Variants in BICD1 observed in about 807,000 individuals in gnomAD.
BICD1 encodes the protein protein bicaudal D homolog 1.
BICD1 carries 35 observed loss-of-function variants against 92.5 expected under a neutral mutation model. That is an observed-to-expected ratio of 0.38 (90% confidence interval 0.29 to 0.50). BICD1 has a LOEUF of 0.50. BICD1 is among the 20% of genes least tolerant of loss of function. BICD1 has a pLI of 0.93. For synonymous variants in BICD1, 429 were observed against 465.1 expected, an observed-to-expected ratio of 0.92 and a Z score of 1.00; for missense variants, 950 against 1,189.8, an observed-to-expected ratio of 0.80 and a Z score of 2.97.
In BICD1 at chr12:32,328,610, A is replaced by C; in HGVS notation, c.2100+55A>C. 6.5e-7 allele frequency: 1 copy of C among 1,549,654 alleles called. No homozygotes were observed. The highest frequency in any genetic ancestry group is 8.7e-7 in the Non-Finnish European group (1 of 1,148,940). On this transcript the variant is annotated intron_variant, in intron 5 of 9. Coordinates refer to ENST00000652176, the MANE Select transcript of BICD1 (RefSeq NM_001714.4). This position sits in a 1 kb window ranked among gnomAD's most constrained non-coding sequence, Gnocchi z 4.4. ...CAGTCAAAGCTTTCTTAACTAATTTATTCCCTAATTTTATTGAGTATCGAG... is the reference window on the plus strand; with the variant it reads ...CAGTCAAAGCTTTCTTAACTAATTTCTTCCCTAATTTTATTGAGTATCGAG...
intron 1 of BICD1, chr12:32,109,510 CCAA>C (rs1009513625): frequency 5.3e-5 from 8 of 151,810 alleles, no homozygotes; most frequent in Admixed American, 3.3e-4. Flanking sequence ...AATGCAAATA[CCAA>C]CTAAAATTTT....
chr12:32,142,081 A>T (rs2652019), intron 1 of BICD1, among the ~76,000 whole-genome samples: 44,528 of 151,868 alleles, frequency 0.29, 6,873 homozygotes, highest in African/African-American at 0.38. Flanking sequence ...AGAGGGATTG[A>T]CTGAAACTCT....
intron 9 of BICD1, 27 bp downstream of exon 9, chr12:32,367,772 A>G (rs1939581401): frequency 6.3e-7 from 1 of 1,593,284 alleles, no homozygotes; most frequent in Admixed American, 1.7e-5. Flanking sequence ...TTTCCCTTCC[A>G]CCCAGCTGCA....
chr12:32,350,679 C>T (rs1938828133), intron 8 of BICD1, among the ~76,000 whole-genome samples: 2 of 152,194 alleles, frequency 1.3e-5, no homozygotes, highest in African/African-American at 4.8e-5. Flanking sequence ...CTGTCCTCCA[C>T]ACACCCATCT....
In BICD1 at chr12:32,214,896, G is replaced by A. The variant is rs191575472; in HGVS notation, c.214-1351G>A. Among the ~76,000 whole-genome samples the A allele has an allele frequency of 8.5e-5, 13 of 152,086 alleles. No individual in the cohort carries two copies. In the East Asian group the frequency reaches 1.7e-3, roughly 20 times the overall value. On this transcript the variant is annotated intron_variant, in intron 1 of 9. Coordinates refer to ENST00000652176, the MANE Select transcript of BICD1 (RefSeq NM_001714.4). ...GTTGGTTTTAATTATTCTTTATTAG[G>A]GGGATGTGAAACATGATTATTGTTC...
chr12:32,296,750 G>A (rs1319629855), intron 3 of BICD1, among the ~76,000 whole-genome samples: 1 of 152,142 alleles, frequency 6.6e-6, no homozygotes. Context: ...GACCGCATGT[G>A]GAGACTGATG....
At chr12:32,342,251 TG>T (rs1162091905) in intron 8 of BICD1, among the ~76,000 whole-genome samples, 4 of 145,454 alleles carry the variant, frequency 2.8e-5, no homozygotes, top group South Asian at 4.3e-4. Flanking sequence ...TTTGGGGGTT[TG>T]TTTTTTTTTC....
At chr12:32,164,152 A>T (rs1303425231) in intron 1 of BICD1, among the ~76,000 whole-genome samples, 1 of 152,176 alleles carries the variant, frequency 6.6e-6, no homozygotes, top group East Asian at 1.9e-4. Context: ...AAGTTGGAGG[A>T]GGAACTACCA....
At chr12:32,261,790 A>G (rs982913862) in intron 2 of BICD1, among the ~76,000 whole-genome samples, 2 of 152,206 alleles carry the variant, frequency 1.3e-5, no homozygotes, top group African/African-American at 2.4e-5. Context: ...CATCAGAGAC[A>G]GTAGTGAGGC....
intron 1 of BICD1, among the ~76,000 whole-genome samples, chr12:32,118,060 A>ATATTTTATTT (rs372623765): frequency 0.12 from 16,249 of 135,070 alleles, 1,221 homozygotes; most frequent in East Asian, 0.31. Context: ...GCTTAGTCCA[A>ATATTTTATTT]TATTTTATTT....
At chr12:32,218,203 G>C (rs73078228) in intron 2 of BICD1, among the ~76,000 whole-genome samples, 5,955 of 152,230 alleles carry the variant, frequency 0.039, 175 homozygotes, top group Middle Eastern at 0.088. Context: ...CCAATGAGTA[G>C]ATTTATGATG....
At chr12:32,249,764 T>G (rs1946480837) in intron 2 of BICD1, among the ~76,000 whole-genome samples, 1 of 151,970 alleles carries the variant, frequency 6.6e-6, no homozygotes, top group Non-Finnish European at 1.5e-5. Context: ...ATTATTATAT[T>G]TTGTTCATTC....
At chr12:32,158,220 C>G (rs1943500815) in intron 1 of BICD1, among the ~76,000 whole-genome samples, 2 of 151,858 alleles carry the variant, frequency 1.3e-5, no homozygotes, top group Admixed American at 1.3e-4. Context: ...ATTCTCCTGC[C>G]TCAGCCTCCT....
chr12:32,244,065 G>C (rs1946305750), intron 2 of BICD1, among the ~76,000 whole-genome samples: 1 of 137,886 alleles, frequency 7.3e-6, no homozygotes, highest in African/African-American at 3.6e-5. Flanking sequence ...TAGGTAAGAA[G>C]ACTCATTCTT....
chr12:32,316,685 C>G (rs982643294), intron 4 of BICD1, among the ~76,000 whole-genome samples: 1 of 151,604 alleles, frequency 6.6e-6, no homozygotes, highest in Non-Finnish European at 1.5e-5. Flanking sequence ...ACATTTTGCA[C>G]TTCTTTTTTT....
chr12:32,241,268 G>A (rs962800197), intron 2 of BICD1, among the ~76,000 whole-genome samples: 2 of 152,168 alleles, frequency 1.3e-5, no homozygotes, highest in African/African-American at 4.8e-5. Context: ...CTGTGCAAAC[G>A]CTTTGCAAAC....
At chr12:32,306,886 G>A (rs571676969) in intron 4 of BICD1, among the ~76,000 whole-genome samples, 1 of 81,444 alleles carries the variant, frequency 1.2e-5, no homozygotes, top group East Asian at 3.0e-4. Flanking sequence ...CGTGGTGGTG[G>A]GTGCCTGTAA....
At chr12:32,217,855 A>G (rs1386396879) in intron 2 of BICD1, among the ~76,000 whole-genome samples, 1 of 152,354 alleles carries the variant, frequency 6.6e-6, no homozygotes, top group Non-Finnish European at 1.5e-5. Flanking sequence ...TAAGGAAGTC[A>G]CCAAACATTT....
chr12:32,191,444 G>T (rs969263612), intron 1 of BICD1, among the ~76,000 whole-genome samples: 1 of 151,486 alleles, frequency 6.6e-6, no homozygotes, highest in Non-Finnish European at 1.5e-5. Context: ...CAAATTGAAG[G>T]TTTGTGGCAA....
Sources: allele counts gnomAD v4.1 joint callset (sites outside exome capture counted in the v4.1 genomes callset), GRCh38; gene constraint gnomAD v4.1.1; non-coding constraint Gnocchi (gnomAD v3.1); transcripts MANE v1.5; gene names NCBI Gene and HGNC (gene_info 2026-07-23, HGNC 2026-07-21).